TPM4: variants seen among roughly 807,000 people sequenced by gnomAD.
TPM4 encodes tropomyosin alpha-4 chain.
Under a neutral mutation model 35.8 loss-of-function variants are expected in TPM4, and 17 were observed. That is an observed-to-expected ratio of 0.47 (90% CI 0.32 to 0.71). The LOEUF is 0.71. Among genes scored for constraint, TPM4 ranks in the 30% least tolerant of loss-of-function variants. TPM4 has a pLI of 0.03. For missense variants in TPM4, 240 were observed against 320.9 expected (o/e 0.75, Z 1.93); for synonymous variants, 120 against 122.9 (o/e 0.98, Z 0.15).
chr19:16,071,818 C>T (rs570554719), upstream of TPM4, among the ~76,000 whole-genome samples: 8 of 152,068 alleles, frequency 5.3e-5, no homozygotes, highest in East Asian at 1.5e-3. Flanking sequence ...GCTTCCTGCC[C>T]ACTCCCCTCC....
upstream of TPM4, among the ~76,000 whole-genome samples, chr19:16,072,525 T>C (rs1440213773): frequency 7.2e-5 from 11 of 152,162 alleles, no homozygotes; most frequent in African/African-American, 2.4e-4. Context: ...CTAACAAAGA[T>C]TCAAATCCCC....
chr19:16,071,875 C>T (rs1568297361), upstream of TPM4, among the ~76,000 whole-genome samples: 1 of 152,226 alleles, frequency 6.6e-6, no homozygotes, highest in Non-Finnish European at 1.5e-5. Flanking sequence ...CCACATCCTG[C>T]CTCAGCCCTG....
intron 4 of TPM4, 36 bp downstream of exon 4, chr19:16,088,133 G>A (rs367667507): frequency 2.3e-5 from 37 of 1,592,094 alleles, no homozygotes; most frequent in Middle Eastern, 1.7e-4. Flanking sequence ...AGGCTGGCTC[G>A]ATTCCTGGGG....
chr19:16,098,171 G>C (rs935341039), intron 7 of TPM4, among the ~76,000 whole-genome samples: 2 of 152,184 alleles, frequency 1.3e-5, no homozygotes, highest in East Asian at 3.9e-4. Flanking sequence ...GGCCGGGCAC[G>C]GTGGCTCACG....
In TPM4 at chr19:16,098,715, C is replaced by T. The variant is rs545752971; in HGVS notation, c.665-2549C>T. ...CAGCACTTTGGGAGGCCAAGGCAGG[C>T]GGATCACTTGAGCTCAGGAGTTTGA... On this transcript the variant is annotated intron_variant, in intron 7 of 7. Coordinates refer to ENST00000643579, the MANE Select transcript of TPM4 (RefSeq NM_003290.3). 5.3e-5 allele frequency among the ~76,000 whole-genome samples: 8 copies of T among 151,902 alleles called. No individual in the cohort carries two copies. The East Asian group carries it at 1.2e-3, about 22-fold the overall frequency.
At chr19:16,091,596 G>A (rs1159938487) in intron 5 of TPM4, among the ~76,000 whole-genome samples, 1 of 152,036 alleles carries the variant, frequency 6.6e-6, no homozygotes, top group African/African-American at 2.4e-5. Flanking sequence ...GCAACATGGA[G>A]AGATCCCGTC....
chr19:16,077,853 C>G (rs1488341593), intron 1 of TPM4: 1 of 274,678 alleles, frequency 3.6e-6, no homozygotes, highest in Non-Finnish European at 6.7e-6. Flanking sequence ...CCTCCACCCC[C>G]CGAGTTCAAG....
intron 5 of TPM4, chr19:16,093,159 TTTTC>T (rs996924982): frequency 1.3e-4 from 24 of 189,726 alleles, no homozygotes; most frequent in African/African-American, 5.0e-4. Flanking sequence ...CCAGCCCTCC[TTTTC>T]TTTCTTTCTG....
At chr19:16,081,707 G>A (rs2090485125) in intron 1 of TPM4, 1 of 513,842 alleles carries the variant, frequency 1.9e-6, no homozygotes, top group Admixed American at 3.5e-5. Flanking sequence ...CTCATCTTTT[G>A]CTATGGAGTG....
chr19:16,093,528 T>C lies in TPM4; in HGVS notation c.532-8T>C. 6.2e-7 allele frequency: 1 copy of C among 1,614,034 alleles called. No homozygotes were observed. The highest frequency in any genetic ancestry group is 8.5e-7 in the Non-Finnish European group (1 of 1,180,016). On this transcript the variant is annotated splice_polypyrimidine_tract_variant and splice_region_variant and intron_variant, in intron 5 of 7. Coordinates refer to ENST00000643579, the MANE Select transcript of TPM4 (RefSeq NM_003290.3). The stretch of plus-strand genomic sequence containing the variant: ...TTTCTTAAAGCAGTGTTTTGGTTTC[T>C]CCCACAGTATTCTGAAAAGGAGGAC...
At chr19:16,069,158 G>A (rs182932304) in intron 2 of TPM4, among the ~76,000 whole-genome samples, 4 of 152,132 alleles carry the variant, frequency 2.6e-5, no homozygotes, top group East Asian at 1.9e-4. Context: ...GTGCACCCAC[G>A]CACATGTTTG....
chr19:16,093,692 C>A lies in TPM4; in HGVS notation c.603C>A (p.Thr201=). 2 of 1,614,056 alleles carry A rather than the reference C, an allele frequency of 1.2e-6. No homozygotes were observed. The highest frequency in any genetic ancestry group is 1.7e-6 in the Non-Finnish European group (2 of 1,180,018). The part of the protein sequence containing the change: ...LLSDKLKEAE[T]RAEFAERTVA... ...CCTTTCTTCTTATCTAGGCTGAGAC[C>A]CGTGCTGAATTTGCAGAGAGAACGG... is the stretch of plus-strand genomic sequence containing the variant. The change falls in exon 7 of 8, where the codon ACC becomes ACA. Residue 201 remains threonine, a synonymous_variant. Transcript: ENST00000643579.
At chr19:16,095,678 A>C (rs1198198526) in intron 7 of TPM4, 2 of 816,024 alleles carry the variant, frequency 2.5e-6, no homozygotes, top group Non-Finnish European at 3.0e-6. Flanking sequence ...TGAAGACGTG[A>C]AAACAAAAGC....
chr19:16,097,487 T>A (rs1416179369), intron 7 of TPM4, among the ~76,000 whole-genome samples: 1 of 152,100 alleles, frequency 6.6e-6, no homozygotes, highest in Non-Finnish European at 1.5e-5. Context: ...TTGGCCAGGC[T>A]GGTTTTGAAC....
At chr19:16,095,292 C>A in intron 7 of TPM4, 1 of 1,032,692 alleles carries the variant, frequency 9.7e-7, no homozygotes, top group East Asian at 6.1e-5. Flanking sequence ...AGCTCAAGTA[C>A]AAAGCTATCA....
upstream of TPM4, chr19:16,075,582 CAG>C: frequency 6.4e-6 from 1 of 157,026 alleles, no homozygotes; most frequent in East Asian, 1.9e-4. Flanking sequence ...AGAAAGAGGG[CAG>C]GCGTATTTGT....
At chr19:16,095,598 G>T in intron 7 of TPM4, 1 of 1,011,420 alleles carries the variant, frequency 9.9e-7, no homozygotes, top group Non-Finnish European at 1.2e-6. Flanking sequence ...CAAAGTGGGT[G>T]GTTAGCCTCT....
upstream of TPM4, among the ~76,000 whole-genome samples, chr19:16,073,573 A>G (rs1413646319): frequency 6.6e-6 from 1 of 152,156 alleles, no homozygotes; most frequent in Non-Finnish European, 1.5e-5. Flanking sequence ...GGTCAAGGTC[A>G]GGCCCTATAG....
rs752224275 is a variant in TPM4 at position 16,067,944 on chromosome 19, C to T, written c.114+206C>T. 4.0e-5 allele frequency: 21 copies of T among 525,596 alleles called. No homozygotes were observed. The highest frequency in any genetic ancestry group is 6.3e-5 in the Non-Finnish European group (19 of 300,996). 32.6% of individuals were successfully genotyped at this position (525,596 alleles called of 1,614,324 possible). ...GGGTGACGATCGGACCCACCCCCAG[C>T]AGGGCCAGTGCGAACAAAGTGAGTT... On this transcript the variant is annotated intron_variant, in intron 2 of 2. Coordinates refer to the TPM4 transcript ENST00000589897. The surrounding 1 kb of genome is among the most constrained non-coding windows in gnomAD (Gnocchi z 4.1).
Sources: gnomAD v4.1 joint callset for allele counts (sites outside exome capture counted in the v4.1 genomes callset) on GRCh38, gnomAD v4.1.1 for gene constraint, Gnocchi (gnomAD v3.1) non-coding constraint, MANE v1.5 for transcripts, NCBI Gene and HGNC (gene_info 2026-07-23, HGNC 2026-07-21) for gene names.